Variants in HNMT observed in about 807,000 individuals in gnomAD.
HNMT encodes the protein histamine N-methyltransferase.
In HNMT, 30 loss-of-function variants were observed where a neutral mutation model predicts 32.1. That is an observed-to-expected ratio of 0.93 (90% CI 0.70 to 1.27). The LOEUF (loss-of-function observed/expected upper bound fraction) is 1.27. HNMT is among the 50% of genes most tolerant of loss of function. The pLI, the probability that HNMT is intolerant of heterozygous loss-of-function variation, is 0.00. For synonymous variants in HNMT, 125 were observed against 119.0 expected, an observed-to-expected ratio of 1.05 and a Z score of -0.33; for missense variants, 327 against 346.0, an observed-to-expected ratio of 0.95 and a Z score of 0.43.
intron 2 of HNMT, among the ~76,000 whole-genome samples, chr2:137,980,386 T>C (rs1000221863): frequency 1.3e-5 from 2 of 152,158 alleles, no homozygotes; most frequent in African/African-American, 2.4e-5. Context: ...ATCCCAGCTA[T>C]GTTGTAGATT....
intron 2 of HNMT, among the ~76,000 whole-genome samples, chr2:137,994,438 A>G (rs1250276187): frequency 6.6e-6 from 1 of 152,214 alleles, no homozygotes; most frequent in African/African-American, 2.4e-5. Context: ...AGGGCATTAC[A>G]TAAGGTAAAG....
At chr2:137,974,733 A>G (rs1327282680) in intron 2 of HNMT, among the ~76,000 whole-genome samples, 2 of 152,212 alleles carry the variant, frequency 1.3e-5, no homozygotes, top group African/African-American at 4.8e-5. Flanking sequence ...TCATTAACCT[A>G]TTGTATATTA....
At chr2:138,002,872 A>C (rs889222480) in intron 4 of HNMT, 74 of 636,288 alleles carry the variant, frequency 1.2e-4, no homozygotes, top group Non-Finnish European at 1.4e-4. Context: ...TGTAGTGGAC[A>C]TATGGTCGAA....
chr2:138,014,249 G>C lies in HNMT; in HGVS notation c.*119G>C. On this transcript the variant is annotated 3_prime_UTR_variant, in exon 6 of 6. Transcript: ENST00000280097. ...TGTAGATAAAGCACTGTTTGGATATGAGATGTAGCAAATTCCAATACATTA... is the reference window on the plus strand; with the variant it reads ...TGTAGATAAAGCACTGTTTGGATATCAGATGTAGCAAATTCCAATACATTA... 1.5e-6 allele frequency: 1 copy of C among 674,306 alleles called. No individual in the cohort carries two copies. The highest frequency in any genetic ancestry group is 2.9e-5 in the Admixed American group (1 of 34,172). 41.8% of individuals were successfully genotyped at this position (674,306 alleles called of 1,614,324 possible).
At position 137,970,224 on chromosome 2, in the gene HNMT, G is replaced by A. The variant is rs367667485; in HGVS notation, c.190+7G>A. 4.7e-6 allele frequency: 7 copies of A among 1,488,004 alleles called. No homozygotes were observed. The highest frequency in any genetic ancestry group is 5.5e-6 in the Non-Finnish European group (6 of 1,081,716). 92.2% of individuals were successfully genotyped at this position (1,488,004 alleles called of 1,614,324 possible). On this transcript the variant is annotated splice_region_variant and intron_variant, in intron 2 of 5. Transcript: ENST00000280097. ...AGCATAGGCGGAGGTGCAGGTATGA[G>A]TAATATATTTTTAAAGTTCATATTT...
chr2:138,003,243 T>TA (rs200761562), intron 4 of HNMT, among the ~76,000 whole-genome samples: 1,516 of 151,246 alleles, frequency 0.01, 24 homozygotes, highest in African/African-American at 0.034. Flanking sequence ...ATAATAATAA[T>TA]AATAAAAGAA....
chr2:137,964,644 T>C lies in HNMT; in HGVS notation c.137+16T>C, dbSNP rs112595068. 4 of 1,613,284 alleles carry C rather than the reference T, an allele frequency of 2.5e-6. No homozygotes were observed. Among genetic ancestry groups the C allele is most frequent in the African/African-American group, 2.7e-5 (2 of 74,844 alleles). ...TAATAGGAAGGTAACAAAAGGGACGTTGTTGTCAAAGGGACAAGCCTCAGA... is the reference window on the plus strand; with the variant it reads ...TAATAGGAAGGTAACAAAAGGGACGCTGTTGTCAAAGGGACAAGCCTCAGA... On this transcript the variant is annotated intron_variant, in intron 1 of 5. Coordinates refer to ENST00000280097, the MANE Select transcript of HNMT (RefSeq NM_006895.3).
Position 137,964,591 on chromosome 2 carries a change from G to T in HNMT, c.100G>T (p.Glu34Ter). Residue 34 changes from glutamate to a stop codon, truncating the protein, a stop_gained, in exon 1 of 6, where the codon GAA (glutamate) becomes TAA (stop). Transcript: ENST00000280097. LOFTEE classifies it high-confidence loss of function. Reference protein sequence around the residue: ...NHSTEHQCMQEFMDKKLPGII... With the variant: ...NHSTEHQCMQ ...TTCCACGGAACACCAGTGCATGCAGGAATTCATGGACAAGAAGCTGCCAGG... is the reference window on the plus strand; with the variant it reads ...TTCCACGGAACACCAGTGCATGCAGTAATTCATGGACAAGAAGCTGCCAGG... 1 of 1,613,756 alleles carries T rather than the reference G, an allele frequency of 6.2e-7. No individual in the cohort carries two copies. Among genetic ancestry groups the T allele is most frequent in the Middle Eastern group, 1.7e-4 (1 of 6,052 alleles).
intron 5 of HNMT, among the ~76,000 whole-genome samples, chr2:138,009,132 G>A (rs149740038): frequency 6.6e-6 from 1 of 151,892 alleles, no homozygotes; most frequent in African/African-American, 2.4e-5. Flanking sequence ...ATGTGGCCAA[G>A]AAGCATTTGA....
chr2:138,010,561 G>T (rs115206882), intron 5 of HNMT, among the ~76,000 whole-genome samples: 1 of 151,066 alleles, frequency 6.6e-6, no homozygotes, highest in African/African-American at 2.4e-5. Flanking sequence ...GAAAGAAAAA[G>T]AAATTGAAAT....
rs557803500 is a variant in HNMT, at chr2:137,969,030, T to C, written c.138-1135T>C. Among the ~76,000 whole-genome samples the C allele has an allele frequency of 3.3e-5, 5 of 152,320 alleles. No homozygotes were observed. In the South Asian group the frequency reaches 8.3e-4, roughly 25 times the overall value. ...TAATCCCATTGCCATCTGACTTCAG[T>C]CTTCAATCTTCTTTTACAACTGCCA... On this transcript the variant is annotated intron_variant, in intron 1 of 5. Coordinates refer to ENST00000280097, the MANE Select transcript of HNMT (RefSeq NM_006895.3).
At chr2:137,978,765 T>G (rs1040610653) in intron 2 of HNMT, among the ~76,000 whole-genome samples, 111 of 138,066 alleles carry the variant, frequency 8.0e-4, no homozygotes, top group Non-Finnish European at 1.4e-3. Flanking sequence ...CATATGATTA[T>G]ATAATATAGT....
chr2:137,971,272 C>T (rs931237249), intron 2 of HNMT, among the ~76,000 whole-genome samples: 2 of 151,986 alleles, frequency 1.3e-5, no homozygotes, highest in Non-Finnish European at 2.9e-5. Flanking sequence ...CTCCACCTCC[C>T]GGGTTCAAGC....
intron 5 of HNMT, among the ~76,000 whole-genome samples, chr2:138,008,687 A>G (rs530698701): frequency 1.3e-5 from 2 of 152,164 alleles, no homozygotes; most frequent in South Asian, 2.1e-4. Context: ...AAGACTTCCT[A>G]TTCAATAAAT....
At chr2:137,976,616 A>T (rs1451395492) in intron 2 of HNMT, among the ~76,000 whole-genome samples, 1 of 152,222 alleles carries the variant, frequency 6.6e-6, no homozygotes, top group Non-Finnish European at 1.5e-5. Context: ...ATAACTAAAA[A>T]TGAGTAAAAA....
intron 2 of HNMT, chr2:137,981,346 T>C (rs762087987): frequency 1.2e-6 from 2 of 1,613,188 alleles, no homozygotes; most frequent in East Asian, 2.2e-5. Context: ...CATTTGGAGC[T>C]GCCCGTTTAG....
intron 1 of HNMT, among the ~76,000 whole-genome samples, chr2:137,965,160 T>C (rs1299155425): frequency 6.6e-6 from 1 of 152,242 alleles, no homozygotes; most frequent in Non-Finnish European, 1.5e-5. Context: ...TTCAGCTTAA[T>C]ATTAGCAATG....
In HNMT at chr2:137,965,335, C is replaced by T. The variant is rs1460442889; in HGVS notation, c.137+707C>T. On this transcript the variant is annotated intron_variant, in intron 1 of 5. Transcript: ENST00000280097. ...CCACATGCTAAAGATAATCAAATCA[C>T]CTATCTGGGGGTGATTTGCTGTAAC... is the stretch of plus-strand genomic sequence containing the variant. 2.0e-5 allele frequency among the ~76,000 whole-genome samples: 3 copies of T among 152,018 alleles called. No individual in the cohort carries two copies. The South Asian group carries it at 6.2e-4, about 32-fold the overall frequency.
intron 2 of HNMT, among the ~76,000 whole-genome samples, chr2:137,994,548 G>T (rs2104964156): frequency 6.6e-6 from 1 of 152,268 alleles, no homozygotes; most frequent in Non-Finnish European, 1.5e-5. Flanking sequence ...CCTACAAAGA[G>T]AGGTATACTC....
Sources: gnomAD v4.1 joint callset for allele counts (sites outside exome capture counted in the v4.1 genomes callset) on GRCh38, gnomAD v4.1.1 for gene constraint, MANE v1.5 for transcripts, NCBI Gene and HGNC (gene_info 2026-07-23, HGNC 2026-07-21) for gene names.